The following BCL9 variants were observed in gnomAD, a reference collection of about 807,000 sequenced individuals.
The protein encoded by BCL9 is B-cell CLL/lymphoma 9 protein.
BCL9 carries 25 observed loss-of-function variants against 88.5 expected under a neutral mutation model. The observed-to-expected ratio is 0.28, with a 90% CI of 0.21 to 0.39. BCL9 has a LOEUF of 0.39. Ranked by LOEUF, BCL9 falls within the 10% of genes least tolerant of loss-of-function variation. The pLI, the probability that BCL9 is intolerant of heterozygous loss-of-function variation, is 1.00. For missense variants in BCL9, 1,817 were observed against 1,877.8 expected, an observed-to-expected ratio of 0.97 and a Z score of 0.60; for synonymous variants, 711 against 673.3, an observed-to-expected ratio of 1.06 and a Z score of -0.87.
intron 1 of BCL9, among the ~76,000 whole-genome samples, chr1:147,548,979 C>CTTTTTTTTTTTTTTTTTTTTTTTTTTTTT (rs72473603): frequency 1.8e-5 from 2 of 111,340 alleles, no homozygotes; most frequent in Admixed American, 1.1e-4. Flanking sequence ...TTCTTTCTTT[C>CTTTTTTTTTTTTTTTTTTTTTTTTTTTTT]TTTTTTTTTT....
In BCL9 at chr1:147,618,969, C is replaced by T. The variant is rs143556015; in HGVS notation, c.814C>T (p.Arg272Cys). 3.2e-4 allele frequency: 523 copies of T among 1,613,580 alleles called. 1 individual carries two copies. The highest frequency in any genetic ancestry group is 3.6e-4 in the Non-Finnish European group (425 of 1,179,794). Residue 272 changes from arginine (R) to cysteine (C), a missense_variant, in exon 8 of 10, where the codon CGT becomes TGT. Coordinates refer to ENST00000234739, the MANE Select transcript of BCL9 (RefSeq NM_004326.4). ...AGCACCCAAGCCTGCCGCACCCCCA[C>T]GTCCCCTGGACCGGGAGAGTCCTGG... Reference protein sequence around the residue: ...APAPKPAAPPRPLDRESPGVE... With the variant: ...APAPKPAAPPCPLDRESPGVE...
chr1:147,600,659 G>A (rs1553201143), intron 1 of BCL9, among the ~76,000 whole-genome samples: 1 of 152,062 alleles, frequency 6.6e-6, no homozygotes, highest in African/African-American at 2.4e-5. Context: ...AGGGTCCTGG[G>A]ATGCAGGAGT....
chr1:147,605,520 A>G (rs587686994), intron 2 of BCL9, among the ~76,000 whole-genome samples: 8 of 152,338 alleles, frequency 5.3e-5, no homozygotes, highest in African/African-American at 1.2e-4. Flanking sequence ...AATTTTGTCA[A>G]AAATCTTTAG....
At chr1:147,602,033 T>G (rs1190612824) in intron 1 of BCL9, among the ~76,000 whole-genome samples, 2 of 151,476 alleles carry the variant, frequency 1.3e-5, no homozygotes, top group African/African-American at 4.9e-5. Context: ...CCCAAGTAGC[T>G]GGGATTACAG....
At position 147,620,351 on chromosome 1, in the gene BCL9, G is replaced by T; in HGVS notation, c.2196G>T (p.Met732Ile). 2 of 1,614,222 alleles carry T rather than the reference G, an allele frequency of 1.2e-6. No homozygotes were observed. Among genetic ancestry groups the T allele is most frequent in the Non-Finnish European group, 1.7e-6 (2 of 1,180,038 alleles). ...TCAACATGGGATCCAACTCTCAGAT[G>T]ATACCTCAGAAGATGAGAGAGGCTG... ...LNVNMGSNSQ[M>I]IPQKMREAGA... Residue 732 changes from methionine to isoleucine, a missense_variant, in exon 8 of 10, where the codon ATG becomes ATT. Around this residue, in one of 2 missense-constraint regions of BCL9, gnomAD observed 1,228 missense variants for 1,191.6 expected, o/e 1.03. Coordinates refer to ENST00000234739, the MANE Select transcript of BCL9 (RefSeq NM_004326.4).
At chr1:147,574,121 T>G (rs1318915508) in intron 1 of BCL9, among the ~76,000 whole-genome samples, 1 of 152,234 alleles carries the variant, frequency 6.6e-6, no homozygotes, top group Non-Finnish European at 1.5e-5. Context: ...TTAGGCAGAC[T>G]AGTTTACATA....
At chr1:147,566,471 C>T (rs1655599194) in intron 1 of BCL9, among the ~76,000 whole-genome samples, 1 of 151,478 alleles carries the variant, frequency 6.6e-6, no homozygotes, top group South Asian at 2.1e-4. Context: ...ATGGGCCGGC[C>T]ATGGCCAGGC....
intron 1 of BCL9, among the ~76,000 whole-genome samples, chr1:147,584,797 G>A (rs1656527784): frequency 6.6e-6 from 1 of 152,214 alleles, no homozygotes; most frequent in Admixed American, 6.5e-5. Context: ...GTACACAAAT[G>A]GTAAGGAACC....
At chr1:147,569,490 A>AG (rs2101524584) in intron 1 of BCL9, among the ~76,000 whole-genome samples, 1 of 330 alleles carries the variant, frequency 3.0e-3, no homozygotes, top group African/African-American at 0.011. Flanking sequence ...AAAAAAAAAG[A>AG]AAGAAAAAAA....
rs1346188709 is a variant in BCL9, at chr1:147,546,829, G to A, written c.-478+5155G>A. Among the ~76,000 whole-genome samples the A allele has an allele frequency of 2.0e-5, 3 of 152,120 alleles. No individual in the cohort carries two copies. In the East Asian group the frequency reaches 5.8e-4, roughly 29 times the overall value. ...TGAGATTTTAATTTATATCCTTTAG[G>A]AGAAATTGCCAGTCAGCATGCAGAC... On this transcript the variant is annotated intron_variant, in intron 1 of 9. Transcript: ENST00000234739.
At position 147,619,382 on chromosome 1, in the gene BCL9, G is replaced by A. The variant is rs1553204521; in HGVS notation, c.1227G>A (p.Met409Ile). ...AACCAGAAGGGCCAATACAGGCCAT[G>A]ATGGCCCAATCCCAAAGCCTAGGTA... ...QKKPEGPIQA[M>I]MAQSQSLGKG... The change falls in exon 8 of 10, where the codon ATG (methionine) becomes ATA (isoleucine). Residue 409 changes from methionine (M) to isoleucine (I), a missense_variant. Met to Ile is a conservative substitution (Grantham distance 10). This residue lies in a region of BCL9 where 1,228 missense variants were observed against 1,191.6 expected (regional missense o/e 1.03). Coordinates refer to ENST00000234739, the MANE Select transcript of BCL9 (RefSeq NM_004326.4). This position sits in a 1 kb window ranked among gnomAD's most constrained non-coding sequence, Gnocchi z 4.1. 1 of 1,614,010 alleles carries A rather than the reference G, an allele frequency of 6.2e-7. No individual in the cohort carries two copies. Among genetic ancestry groups the A allele is most frequent in the East Asian group, 2.2e-5 (1 of 44,896 alleles).
At chr1:147,596,083 A>C (rs1657035377) in intron 1 of BCL9, among the ~76,000 whole-genome samples, 1 of 152,186 alleles carries the variant, frequency 6.6e-6, no homozygotes, top group African/African-American at 2.4e-5. Context: ...TCTGATTCTC[A>C]AGTTGTGAAG....
chr1:147,561,610 T>C (rs1655380276), intron 1 of BCL9, among the ~76,000 whole-genome samples: 1 of 152,236 alleles, frequency 6.6e-6, no homozygotes, highest in African/African-American at 2.4e-5. Flanking sequence ...CTTCAACGAA[T>C]ATTTATCAAG....
chr1:147,568,573 A>AT (rs1356523092), intron 1 of BCL9, among the ~76,000 whole-genome samples: 100 of 149,256 alleles, frequency 6.7e-4, no homozygotes, highest in Admixed American at 2.7e-3. Context: ...ACCGAGGGGG[A>AT]TTTTTTTTTT....
intron 1 of BCL9, among the ~76,000 whole-genome samples, chr1:147,587,832 C>T (rs1656686612): frequency 6.6e-6 from 1 of 151,076 alleles, no homozygotes; most frequent in African/African-American, 2.4e-5. Flanking sequence ...TTCCTCCAGC[C>T]CAGGGGTATT....
chr1:147,624,058 C>A lies in BCL9; in HGVS notation c.3380C>A (p.Pro1127Gln). Reference sequence around the variant, plus strand: ...ATCATGGGGCATGGGTCCCAGGAGCCACCGATGGTACCTCAAGGACGGATG... The same window carrying A: ...ATCATGGGGCATGGGTCCCAGGAGCAACCGATGGTACCTCAAGGACGGATG... The part of the protein sequence containing the change: ...NPIMGHGSQE[P>Q]PMVPQGRMGF... Residue 1127 changes from proline to glutamine, a missense_variant, in exon 10 of 10, where the codon CCA becomes CAA. Pro to Gln is a moderately conservative substitution (Grantham distance 76). Transcript: ENST00000234739. This position sits in a 1 kb window ranked among gnomAD's most constrained non-coding sequence, Gnocchi z 4.4. 2 of 1,613,900 alleles carry A rather than the reference C, an allele frequency of 1.2e-6. No homozygotes were observed. The highest frequency in any genetic ancestry group is 1.7e-6 in the Non-Finnish European group (2 of 1,179,820).
At chr1:147,549,774 A>G (rs1553194639) in intron 1 of BCL9, among the ~76,000 whole-genome samples, 1 of 152,188 alleles carries the variant, frequency 6.6e-6, no homozygotes, top group African/African-American at 2.4e-5. Context: ...GTGCTGAGGC[A>G]GCTCTGGGGA....
chr1:147,616,997 T>C (rs781797951), intron 7 of BCL9, among the ~76,000 whole-genome samples: 5 of 152,162 alleles, frequency 3.3e-5, no homozygotes, highest in Non-Finnish European at 7.3e-5. Flanking sequence ...AAAGTGACAA[T>C]TCAAGATAAA....
At chr1:147,570,634 T>TC (rs1404359858) in intron 1 of BCL9, among the ~76,000 whole-genome samples, 36,156 of 61,702 alleles carry the variant, frequency 0.59, 5,784 homozygotes, top group Middle Eastern at 0.62. Context: ...GATTTTCTTT[T>TC]TTTTCTTTTT....
Sources: gnomAD v4.1 joint callset for allele counts (sites outside exome capture counted in the v4.1 genomes callset) on GRCh38, gnomAD v4.1.1 for gene constraint, gnomAD v4.1.1 regional missense constraint, Gnocchi (gnomAD v3.1) non-coding constraint, MANE v1.5 for transcripts, NCBI Gene and HGNC (gene_info 2026-07-23, HGNC 2026-07-21) for gene names.